IGSF3: variants seen among roughly 807,000 people sequenced by gnomAD.
IGSF3 encodes glu-Trp-Ile EWI motif-containing protein 3.
Under a neutral mutation model 114.4 loss-of-function variants are expected in IGSF3, and 23 were observed. That is an observed-to-expected ratio of 0.20 (90% CI 0.14 to 0.28). The LOEUF (loss-of-function observed/expected upper bound fraction) is 0.28, where lower values mean the gene tolerates loss of function less well. Ranked by LOEUF, IGSF3 falls within the 10% of genes least tolerant of loss-of-function variation. The probability of loss-of-function intolerance (pLI) is 1.00; values close to 1 mark genes in which losing one functional copy is unlikely to be tolerated. For synonymous variants in IGSF3, 571 were observed against 645.2 expected (o/e 0.88, Z 1.74); for missense variants, 1,172 against 1,591.5 (o/e 0.74, Z 4.48).
chr1:116,647,205 C>T lies in IGSF3; in HGVS notation c.43+19079G>A, dbSNP rs1648419289. Among the ~76,000 whole-genome samples, 1 of 152,240 alleles carries T rather than the reference C, an allele frequency of 6.6e-6. No individual in the cohort carries two copies. The highest frequency in any genetic ancestry group is 6.5e-5 in the Admixed American group (1 of 15,294). On this transcript the variant is annotated intron_variant, in intron 2 of 10. Coordinates refer to ENST00000369486, the MANE Select transcript of IGSF3 (RefSeq NM_001007237.3). The surrounding 1 kb of genome is among the most constrained non-coding windows in gnomAD (Gnocchi z 4.6). ...CCCAAATGACCGGCTGAGGAATCAC[C>T]TCACTGCTGCCGATGCCCTTGACAG... is the stretch of plus-strand genomic sequence containing the variant.
At position 116,624,246 on chromosome 1, in the gene IGSF3, C is replaced by T. The variant is rs557080255; in HGVS notation, c.44-7789G>A. On this transcript the variant is annotated intron_variant, in intron 2 of 10. Coordinates refer to ENST00000369486, the MANE Select transcript of IGSF3 (RefSeq NM_001007237.3). The surrounding 1 kb of genome is among the most constrained non-coding windows in gnomAD (Gnocchi z 4.9). The stretch of plus-strand genomic sequence containing the variant: ...GGCTCTTGAAACAGCCATCAATTCC[C>T]ATGTGATAAATGCACTGTCACAATC... 1.2e-4 allele frequency among the ~76,000 whole-genome samples: 18 copies of T among 152,150 alleles called. No homozygotes were observed. The highest frequency in any genetic ancestry group is 4.3e-4 in the African/African-American group (18 of 41,510).
rs140009905 is a variant in IGSF3, at chr1:116,586,550, G to C, written c.2441-1498C>G. Among the ~76,000 whole-genome samples the C allele has an allele frequency of 4.5e-3, 685 of 152,338 alleles. 9 individuals are homozygous for C. The highest frequency in any genetic ancestry group is 0.016 in the African/African-American group (649 of 41,572). On this transcript the variant is annotated intron_variant, in intron 8 of 10. Coordinates refer to ENST00000369486, the MANE Select transcript of IGSF3 (RefSeq NM_001007237.3). Reference sequence around the variant, plus strand: ...TTACTCGGTGTCCTCTGAGTTCCATGTTTACGGTGTTAAAGTTCACTGTAA... The same window carrying C: ...TTACTCGGTGTCCTCTGAGTTCCATCTTTACGGTGTTAAAGTTCACTGTAA...
rs997447407 is a variant in IGSF3, at chr1:116,592,240, G to A, written c.2030-3136C>T. 3.9e-5 allele frequency among the ~76,000 whole-genome samples: 6 copies of A among 152,332 alleles called. No individual in the cohort carries two copies. The highest frequency in any genetic ancestry group is 1.9e-4 in the East Asian group (1 of 5,182). On this transcript the variant is annotated intron_variant, in intron 7 of 10. Coordinates refer to ENST00000369486, the MANE Select transcript of IGSF3 (RefSeq NM_001007237.3). This position sits in a 1 kb window ranked among gnomAD's most constrained non-coding sequence, Gnocchi z 4.5. ...AGCCTGAGAAACCCTGGACTTGGCC[G>A]TGTGAGTGAATGGGCTTTGAGAGGC... is the stretch of plus-strand genomic sequence containing the variant.
chr1:116,656,243 A>G (rs1289062587), intron 2 of IGSF3, among the ~76,000 whole-genome samples: 1 of 151,984 alleles, frequency 6.6e-6, no homozygotes, highest in East Asian at 1.9e-4. Context: ...ATCAAAGTCA[A>G]TAAGGAGCAT....
At position 116,629,787 on chromosome 1, in the gene IGSF3, C is replaced by A. The variant is rs1193880699; in HGVS notation, c.44-13330G>T. The stretch of plus-strand genomic sequence containing the variant: ...TTTACTTTTTCTTAAAGCTGTTTAG[C>A]CGCTTTCCTAAAAACTCCTATTTTC... On this transcript the variant is annotated intron_variant, in intron 2 of 10. Transcript: ENST00000369486. This position sits in a 1 kb window ranked among gnomAD's most constrained non-coding sequence, Gnocchi z 4.3. Among the ~76,000 whole-genome samples, 1 of 152,202 alleles carries A rather than the reference C, an allele frequency of 6.6e-6. No homozygotes were observed. The highest frequency in any genetic ancestry group is 1.5e-5 in the Non-Finnish European group (1 of 68,038).
chr1:116,646,127 T>G (rs1365964394), intron 2 of IGSF3, among the ~76,000 whole-genome samples: 2 of 152,220 alleles, frequency 1.3e-5, no homozygotes, highest in Non-Finnish European at 2.9e-5. Context: ...CCCTCCACAT[T>G]TGGGCTCAAA....
rs1347049861 is a variant in IGSF3, at chr1:116,608,342, A to C, written c.833-11T>G. 6.2e-7 allele frequency: 1 copy of C among 1,607,828 alleles called. No individual in the cohort carries two copies. The highest frequency in any genetic ancestry group is 8.5e-7 in the Non-Finnish European group (1 of 1,176,000). ...CAGTGAATTCTTTGTCTGAGAGAAC[A>C]AGTAAGAAAAGAGACACATCCTGGG... On this transcript the variant is annotated splice_polypyrimidine_tract_variant and intron_variant, in intron 4 of 10. Coordinates refer to ENST00000369486, the MANE Select transcript of IGSF3 (RefSeq NM_001007237.3).
rs1305737057 is a variant in IGSF3 at position 116,600,604 on chromosome 1, A to G, written c.1625-259T>C. ...ACCCTTCCCAGTGAGATCCTCGTGC[A>G]TTTGCTCCTCCCCTGGAATTAGACA... is the stretch of plus-strand genomic sequence containing the variant. On this transcript the variant is annotated intron_variant, in intron 6 of 10. Coordinates refer to ENST00000369486, the MANE Select transcript of IGSF3 (RefSeq NM_001007237.3). The surrounding 1 kb of genome is among the most constrained non-coding windows in gnomAD (Gnocchi z 5.5). 6.6e-6 allele frequency among the ~76,000 whole-genome samples: 1 copy of G among 152,072 alleles called. No homozygotes were observed. Among genetic ancestry groups the G allele is most frequent in the Non-Finnish European group, 1.5e-5 (1 of 68,010 alleles).
Position 116,579,930 on chromosome 1 carries a change from C to G in IGSF3, c.2849-53G>C. 2 of 1,433,876 alleles carry G rather than the reference C, an allele frequency of 1.4e-6. No homozygotes were observed. The highest frequency in any genetic ancestry group is 1.9e-6 in the Non-Finnish European group (2 of 1,064,522). 88.8% of individuals were successfully genotyped at this position (1,433,876 alleles called of 1,614,324 possible). A position where few individuals can be genotyped will look rare whatever the true frequency, so the allele number is the denominator to read the frequency against. On this transcript the variant is annotated intron_variant, in intron 9 of 10. Transcript: ENST00000369486. This position sits in a 1 kb window ranked among gnomAD's most constrained non-coding sequence, Gnocchi z 6.4. ...AAGGGGTTGTTTAAATTTATTTGCT[C>G]AAAATAAACTAAATGTCCATCATTA...
chr1:116,642,249 C>T lies in IGSF3; in HGVS notation c.43+24035G>A, dbSNP rs918092947. On this transcript the variant is annotated intron_variant, in intron 2 of 10. Coordinates refer to ENST00000369486, the MANE Select transcript of IGSF3 (RefSeq NM_001007237.3). This position sits in a 1 kb window ranked among gnomAD's most constrained non-coding sequence, Gnocchi z 5.4. ...TTACCTCTTATTAGAAAAAAAAACA[C>T]GAAATTTTTTGGTAAAAGAATTATC... Among the ~76,000 whole-genome samples the T allele has an allele frequency of 1.3e-5, 2 of 151,874 alleles. No individual in the cohort carries two copies. Among genetic ancestry groups the T allele is most frequent in the East Asian group, 1.9e-4 (1 of 5,190 alleles).
In IGSF3 at chr1:116,665,861, C is replaced by T. The variant is rs1649310253; in HGVS notation, c.43+423G>A. On this transcript the variant is annotated intron_variant, in intron 2 of 10. Coordinates refer to ENST00000369486, the MANE Select transcript of IGSF3 (RefSeq NM_001007237.3). The surrounding 1 kb of genome is among the most constrained non-coding windows in gnomAD (Gnocchi z 4.0). ...TCAAAAAAGGCACCATCATTATCAC[C>T]CAAACCAACTTTCGAGACAGAGGGG... Among the ~76,000 whole-genome samples the T allele has an allele frequency of 6.6e-6, 1 of 152,144 alleles. No individual in the cohort carries two copies. Among genetic ancestry groups the T allele is most frequent in the Admixed American group, 6.5e-5 (1 of 15,272 alleles).
Position 116,638,869 on chromosome 1 carries a change from A to T in IGSF3, c.44-22412T>A, listed in dbSNP as rs4044743. Among the ~76,000 whole-genome samples, 1 of 152,160 alleles carries T rather than the reference A, an allele frequency of 6.6e-6. No individual in the cohort carries two copies. Among genetic ancestry groups the T allele is most frequent in the Non-Finnish European group, 1.5e-5 (1 of 68,022 alleles). On this transcript the variant is annotated intron_variant, in intron 2 of 10. Transcript: ENST00000369486. The surrounding 1 kb of genome is among the most constrained non-coding windows in gnomAD (Gnocchi z 4.1). ...ATTCCATCCCCACCTGCAGATGAGTATGGCACCCCAAGGTTAAGTATCTGC... is the reference window on the plus strand; with the variant it reads ...ATTCCATCCCCACCTGCAGATGAGTTTGGCACCCCAAGGTTAAGTATCTGC...
Position 116,644,948 on chromosome 1 carries a change from T to C in IGSF3, c.43+21336A>G, listed in dbSNP as rs553006852. On this transcript the variant is annotated intron_variant, in intron 2 of 10. Coordinates refer to ENST00000369486, the MANE Select transcript of IGSF3 (RefSeq NM_001007237.3). This position sits in a 1 kb window ranked among gnomAD's most constrained non-coding sequence, Gnocchi z 5.6. ...GGGGAGGTAGGATGGTGCAGCCACT[T>C]TGGAAAACAGTCTGGTAGTTTCTTT... Among the ~76,000 whole-genome samples, 12 of 152,192 alleles carry C rather than the reference T, an allele frequency of 7.9e-5. No individual in the cohort carries two copies. In the East Asian group the frequency reaches 2.3e-3, roughly 29 times the overall value.
At position 116,575,511 on chromosome 1, in the gene IGSF3, A is replaced by C. The variant is rs760120407; in HGVS notation, c.*1801T>G. ...ACCTGCAGACCCTTGAAGGATCAGC[A>C]CAGACACTGGCCTGGGGAATCCCAT... On this transcript the variant is annotated 3_prime_UTR_variant, in exon 11 of 11. Coordinates refer to ENST00000369486, the MANE Select transcript of IGSF3 (RefSeq NM_001007237.3). The surrounding 1 kb of genome is among the most constrained non-coding windows in gnomAD (Gnocchi z 5.6). 2 of 152,454 alleles carry C rather than the reference A, an allele frequency of 1.3e-5. No homozygotes were observed. The highest frequency in any genetic ancestry group is 2.9e-5 in the Non-Finnish European group (2 of 68,058). The allele number at this position is 152,454 out of a possible 1,614,324, so 9.4% of individuals were successfully genotyped here. A position where few individuals can be genotyped will look rare whatever the true frequency, so the allele number is the denominator to read the frequency against.
At chr1:116,640,788 T>C (rs1210369006) in intron 2 of IGSF3, among the ~76,000 whole-genome samples, 1 of 152,226 alleles carries the variant, frequency 6.6e-6, no homozygotes, top group African/African-American at 2.4e-5. Context: ...ACACTAGGCA[T>C]TGCCCAAATT....
At chr1:116,630,428 G>A (rs1647504732) in intron 2 of IGSF3, among the ~76,000 whole-genome samples, 1 of 152,202 alleles carries the variant, frequency 6.6e-6, no homozygotes, top group Admixed American at 6.5e-5. Context: ...TTCCAAAGGT[G>A]TCTTCTTACT....
intron 5 of IGSF3, 53 bp from the exon 6 acceptor site, chr1:116,604,078 C>T: frequency 1.4e-6 from 2 of 1,401,760 alleles, no homozygotes; most frequent in Admixed American, 2.2e-5. Context: ...TCCACAGCGC[C>T]CTCCCCACAG....
At chr1:116,604,563 T>C (rs1660718831) in intron 5 of IGSF3, among the ~76,000 whole-genome samples, 1 of 152,206 alleles carries the variant, frequency 6.6e-6, no homozygotes, top group Admixed American at 6.5e-5. Flanking sequence ...CGATAACGTG[T>C]GCTTAAGTGT....
At position 116,634,676 on chromosome 1, in the gene IGSF3, T is replaced by C. The variant is rs1477937833; in HGVS notation, c.44-18219A>G. Among the ~76,000 whole-genome samples the C allele has an allele frequency of 6.6e-6, 1 of 152,208 alleles. No individual in the cohort carries two copies. Among genetic ancestry groups the C allele is most frequent in the East Asian group, 1.9e-4 (1 of 5,204 alleles). On this transcript the variant is annotated intron_variant, in intron 2 of 10. Transcript: ENST00000369486. The surrounding 1 kb of genome is among the most constrained non-coding windows in gnomAD (Gnocchi z 4.2). ...GCAATGACATCTCCCGTGCCTGCTCTGCTTACCCATGGCTTTGACACTCCT... is the reference window on the plus strand; with the variant it reads ...GCAATGACATCTCCCGTGCCTGCTCCGCTTACCCATGGCTTTGACACTCCT...
Sources: gnomAD v4.1 joint callset for allele counts (sites outside exome capture counted in the v4.1 genomes callset) on GRCh38, gnomAD v4.1.1 for gene constraint, Gnocchi (gnomAD v3.1) non-coding constraint, MANE v1.5 for transcripts, NCBI Gene and HGNC (gene_info 2026-07-23, HGNC 2026-07-21) for gene names.